Variants in MTSS1 observed in about 807,000 individuals in gnomAD.
MTSS1 encodes the protein MTSS I-BAR domain containing 1.
Under a neutral mutation model 79.0 loss-of-function variants are expected in MTSS1, and 18 were observed. That is an observed-to-expected ratio of 0.23 (90% CI 0.16 to 0.34). The LOEUF is 0.34. Ranked by LOEUF, MTSS1 falls within the 10% of genes least tolerant of loss-of-function variation. The probability of loss-of-function intolerance (pLI) is 1.00; values close to 1 mark genes in which losing one functional copy is unlikely to be tolerated. For synonymous variants in MTSS1, 341 were observed against 368.6 expected (o/e 0.93, Z 0.86); for missense variants, 815 against 986.2 (o/e 0.83, Z 2.33).
intron 3 of MTSS1, among the ~76,000 whole-genome samples, chr8:124,668,787 C>T (rs1025812293): frequency 9.2e-5 from 14 of 152,152 alleles, no homozygotes; most frequent in Non-Finnish European, 1.6e-4. Flanking sequence ...GGATCTCACC[C>T]CAAACAAGCT....
chr8:124,605,251 C>T (rs914482255), intron 3 of MTSS1, among the ~76,000 whole-genome samples: 1 of 152,210 alleles, frequency 6.6e-6, no homozygotes, highest in South Asian at 2.1e-4. Context: ...CTGAGCGACT[C>T]GATGACGCCA....
rs187669585 is a variant in MTSS1, at chr8:124,669,880, A to G, written c.208+29646T>C. ...CGCGTCTTGCTCCTGCTCTACTAAT[A>G]GCATCCAAATATCTCTGCAGTAGGA... On this transcript the variant is annotated intron_variant, in intron 3 of 13. Coordinates refer to ENST00000518547, the MANE Select transcript of MTSS1 (RefSeq NM_014751.6). Among the ~76,000 whole-genome samples the G allele has an allele frequency of 1.8e-4, 28 of 152,342 alleles. No homozygotes were observed. In the East Asian group the frequency reaches 4.8e-3, roughly 26 times the overall value.
At chr8:124,563,019 G>T in intron 9 of MTSS1, 27 bp from the exon 10 acceptor site, 2 of 1,576,568 alleles carry the variant, frequency 1.3e-6, no homozygotes, top group Non-Finnish European at 8.6e-7. Flanking sequence ...GGGGTGAGGG[G>T]TGGGCACGGA....
intron 1 of MTSS1, among the ~76,000 whole-genome samples, chr8:124,704,861 A>G (rs1470525182): frequency 6.6e-6 from 1 of 152,064 alleles, no homozygotes; most frequent in African/African-American, 2.4e-5. Flanking sequence ...CTGCTTCCAC[A>G]TGGAAGTCTT....
intron 3 of MTSS1, among the ~76,000 whole-genome samples, chr8:124,656,129 C>G (rs1330800500): frequency 6.6e-6 from 1 of 152,176 alleles, no homozygotes. Context: ...TCTCCTTTAT[C>G]TTAAGAGATA....
intron 3 of MTSS1, among the ~76,000 whole-genome samples, chr8:124,678,791 G>A (rs1227988882): frequency 6.6e-6 from 1 of 152,198 alleles, no homozygotes; most frequent in Non-Finnish European, 1.5e-5. Context: ...CTACTACAGT[G>A]TACTGGGCTG....
At chr8:124,640,429 C>T (rs1388353003) in intron 3 of MTSS1, among the ~76,000 whole-genome samples, 1 of 152,216 alleles carries the variant, frequency 6.6e-6, no homozygotes, top group Non-Finnish European at 1.5e-5. Flanking sequence ...GACTAGAGTT[C>T]TGTGGTCTTT....
At chr8:124,660,463 C>CACAT (rs1563950040) in intron 3 of MTSS1, among the ~76,000 whole-genome samples, 1 of 151,778 alleles carries the variant, frequency 6.6e-6, no homozygotes, top group Non-Finnish European at 1.5e-5. Flanking sequence ...CACACACACA[C>CACAT]ACACACACAC....
intron 10 of MTSS1, among the ~76,000 whole-genome samples, chr8:124,561,106 A>G (rs1825192591): frequency 6.6e-6 from 1 of 152,222 alleles, no homozygotes; most frequent in South Asian, 2.1e-4. Flanking sequence ...AGAATTCTCT[A>G]TTAAGTTTTG....
chr8:124,691,451 G>C (rs1827917274), intron 3 of MTSS1, among the ~76,000 whole-genome samples: 1 of 152,154 alleles, frequency 6.6e-6, no homozygotes, highest in Admixed American at 6.5e-5. Flanking sequence ...AAAGTATATG[G>C]ATACACATAC....
intron 4 of MTSS1, 27 bp from the exon 5 acceptor site, chr8:124,589,738 G>A: frequency 2.7e-6 from 4 of 1,476,334 alleles, no homozygotes; most frequent in Non-Finnish European, 3.8e-6. Context: ...GGGAAAAAGG[G>A]AGAAATTAAA....
chr8:124,646,102 C>T (rs1818952244), intron 3 of MTSS1, among the ~76,000 whole-genome samples: 1 of 152,200 alleles, frequency 6.6e-6, no homozygotes, highest in African/African-American at 2.4e-5. Context: ...TAAAGGCATT[C>T]CTGGGCCACG....
In MTSS1 at chr8:124,556,213, C is replaced by G. The variant is rs759147853; in HGVS notation, c.1404+19G>C. The G allele has an allele frequency of 6.2e-7, 1 of 1,614,194 alleles. No homozygotes were observed. The highest frequency in any genetic ancestry group is 8.5e-7 in the Non-Finnish European group (1 of 1,180,012). ...AGGCTGAGGTGGCCCCAACCAGCTA[C>G]TGAGAACAAGAGCATCACCCTGGTG... On this transcript the variant is annotated intron_variant, in intron 12 of 13. Coordinates refer to ENST00000518547, the MANE Select transcript of MTSS1 (RefSeq NM_014751.6).
chr8:124,660,472 A>ACC (rs1554703746), intron 3 of MTSS1, among the ~76,000 whole-genome samples: 24 of 143,698 alleles, frequency 1.7e-4, no homozygotes, highest in East Asian at 4.1e-4. Flanking sequence ...ACACACACAC[A>ACC]CCCTCAAGCT....
In MTSS1 at chr8:124,562,169, C is replaced by T. The variant is rs565300424; in HGVS notation, c.1035+613G>A. ...GTTCAGATGCCCTGGCCAGCTCCTG[C>T]GTTCTGCTCCAGCTGGAACCACTGG... On this transcript the variant is annotated intron_variant, in intron 10 of 13. Transcript: ENST00000518547. Among the ~76,000 whole-genome samples, 7 of 152,298 alleles carry T rather than the reference C, an allele frequency of 4.6e-5. 1 individual carries two copies. Among genetic ancestry groups the T allele is most frequent in the East Asian group, 3.9e-4 (2 of 5,176 alleles).
intron 1 of MTSS1, among the ~76,000 whole-genome samples, chr8:124,717,695 C>CA (rs1212182885): frequency 1.3e-5 from 2 of 152,090 alleles, no homozygotes; most frequent in African/African-American, 4.8e-5. Context: ...GACTCCATCT[C>CA]AAAAAATATA....
At chr8:124,621,552 TG>T (rs1267355428) in intron 3 of MTSS1, among the ~76,000 whole-genome samples, 1 of 151,016 alleles carries the variant, frequency 6.6e-6, no homozygotes, top group Non-Finnish European at 1.5e-5. Flanking sequence ...TCTGTTTGTG[TG>T]TTTTTTTTTG....
chr8:124,668,792 C>A (rs1285389303), intron 3 of MTSS1, among the ~76,000 whole-genome samples: 1 of 152,178 alleles, frequency 6.6e-6, no homozygotes, highest in Non-Finnish European at 1.5e-5. Flanking sequence ...TCACCCCAAA[C>A]AAGCTTTTGC....
chr8:124,625,654 C>T (rs1814517979), intron 3 of MTSS1, among the ~76,000 whole-genome samples: 1 of 152,204 alleles, frequency 6.6e-6, no homozygotes, highest in African/African-American at 2.4e-5. Context: ...TAAGGCACTC[C>T]CCCTGACCCC....
Sources: gnomAD v4.1 joint callset for allele counts (sites outside exome capture counted in the v4.1 genomes callset) on GRCh38, gnomAD v4.1.1 for gene constraint, MANE v1.5 for transcripts, NCBI Gene and HGNC (gene_info 2026-07-23, HGNC 2026-07-21) for gene names.